The following CSPP1 variants were observed in gnomAD, a reference collection of about 807,000 sequenced individuals.
CSPP1 encodes the protein centrosome and spindle pole-associated protein 1.
In CSPP1, 126 loss-of-function variants were observed where a neutral mutation model predicts 164.4. The ratio of observed to expected loss-of-function variants is 0.77; its 90% CI spans 0.66 to 0.89. The LOEUF is 0.89. CSPP1 is among the 40% of genes least tolerant of loss of function. The probability of loss-of-function intolerance (pLI) is 0.00; values close to 1 mark genes in which losing one functional copy is unlikely to be tolerated. For missense variants in CSPP1, 1,395 were observed against 1,449.8 expected (o/e 0.96, Z 0.61); for synonymous variants, 472 against 476.7 (o/e 0.99, Z 0.13).
chr8:67,188,028 C>T (rs560906641), intron 28 of CSPP1, among the ~76,000 whole-genome samples: 207 of 152,144 alleles, frequency 1.4e-3, no homozygotes, highest in African/African-American at 4.8e-3. Flanking sequence ...ATTGATAAGC[C>T]GGACTTTGTA....
At chr8:67,167,456 C>T (rs1260868567) in intron 24 of CSPP1, among the ~76,000 whole-genome samples, 6 of 149,846 alleles carry the variant, frequency 4.0e-5, no homozygotes, top group Middle Eastern at 3.6e-3. Flanking sequence ...CCCCACCTCC[C>T]GGATGGGGCG....
At chr8:67,154,433 C>T (rs1045279009) in intron 19 of CSPP1, among the ~76,000 whole-genome samples, 6 of 152,046 alleles carry the variant, frequency 3.9e-5, no homozygotes, top group Admixed American at 2.0e-4. Flanking sequence ...GTGGTGAGAT[C>T]TTCGCTCACT....
chr8:67,153,608 T>C (rs1826117040), intron 18 of CSPP1, among the ~76,000 whole-genome samples: 1 of 152,084 alleles, frequency 6.6e-6, no homozygotes, highest in Non-Finnish European at 1.5e-5. Flanking sequence ...TTTTAGAAAA[T>C]TTTAAATATA....
At chr8:67,096,878 AAAAT>A (rs1219475187) in intron 7 of CSPP1, among the ~76,000 whole-genome samples, 3 of 152,196 alleles carry the variant, frequency 2.0e-5, no homozygotes, top group Admixed American at 2.0e-4. Flanking sequence ...AACAACAATA[AAAAT>A]AAATGAATAA....
chr8:67,118,425 GT>G, intron 14 of CSPP1, 56 bp downstream of exon 14: 1 of 1,576,266 alleles, frequency 6.3e-7, no homozygotes. Flanking sequence ...AAGGAAAATT[GT>G]TTTTTTGTGT....
intron 21 of CSPP1, among the ~76,000 whole-genome samples, chr8:67,159,953 C>CGTTT (rs1554605701): frequency 3.4e-5 from 1 of 29,120 alleles, no homozygotes; most frequent in Non-Finnish European, 6.5e-5. Context: ...TTCCTTCCTT[C>CGTTT]CTTCTTTCTT....
At chr8:67,195,298 T>A (rs756672957) in intron 30 of CSPP1, 84 bp from the exon 31 acceptor site, 2 of 838,088 alleles carry the variant, frequency 2.4e-6, no homozygotes, top group East Asian at 4.8e-5. Flanking sequence ...TGAGTTGTAA[T>A]GAGTTGGACT....
At chr8:67,173,273 G>A (rs1830831753) in intron 25 of CSPP1, among the ~76,000 whole-genome samples, 1 of 152,148 alleles carries the variant, frequency 6.6e-6, no homozygotes, top group South Asian at 2.1e-4. Context: ...TGAGGGAAGA[G>A]TTAGGAGAAG....
rs1251033167 is a variant in CSPP1, at chr8:67,118,267, C to T, written c.1516C>T (p.Pro506Ser). Residue 506 changes from proline to serine, a missense_variant, in exon 14 of 31, where the codon CCT becomes TCT. Pro to Ser is a moderately conservative substitution (Grantham distance 74). Coordinates refer to ENST00000678616, the MANE Select transcript of CSPP1 (RefSeq NM_001382391.1). ...ATACAGGATTGCACCTCTGCCTCCA[C>T]CTCCCCTACTACCACCTTTGGCTAC... ...VSPRIAPLPP[P>S]PLLPPLATNY... 1.2e-6 allele frequency: 2 copies of T among 1,613,480 alleles called. No homozygotes were observed. Among genetic ancestry groups the T allele is most frequent in the African/African-American group, 1.3e-5 (1 of 74,878 alleles).
In CSPP1 at chr8:67,192,455, A is replaced by G. The variant is rs1463734605; in HGVS notation, c.3331-1009A>G. 4.3e-4 allele frequency among the ~76,000 whole-genome samples: 65 copies of G among 152,126 alleles called. 1 individual carries two copies. The highest frequency in any genetic ancestry group is 4.2e-3 in the Admixed American group (64 of 15,278). ...CATTCTCACTACAAGTCTAGTTATC[A>G]ATGTGTGATTTTCAGATCTTTTTTC... is the stretch of plus-strand genomic sequence containing the variant. On this transcript the variant is annotated intron_variant, in intron 29 of 30. Coordinates refer to ENST00000678616, the MANE Select transcript of CSPP1 (RefSeq NM_001382391.1).
At chr8:67,110,162 T>A (rs1816549533) in intron 9 of CSPP1, among the ~76,000 whole-genome samples, 1 of 149,930 alleles carries the variant, frequency 6.7e-6, no homozygotes, top group African/African-American at 2.5e-5. Flanking sequence ...CCAGGTGCAG[T>A]CTGAGGTTTT....
intron 22 of CSPP1, 126 bp downstream of exon 22, chr8:67,162,041 A>T: frequency 1.6e-6 from 1 of 630,968 alleles, no homozygotes. Flanking sequence ...TATAGGTGAT[A>T]TCTACAGTAA....
chr8:67,121,252 C>T (rs1563612522), intron 15 of CSPP1, among the ~76,000 whole-genome samples: 2 of 152,140 alleles, frequency 1.3e-5, no homozygotes, highest in African/African-American at 2.4e-5. Context: ...CTGCCTTGTT[C>T]CTGATCTTAG....
intron 1 of CSPP1, 76 bp from the exon 2 acceptor site, chr8:67,074,166 TG>T (rs1807408637): frequency 1.4e-6 from 1 of 715,016 alleles, no homozygotes; most frequent in Non-Finnish European, 2.3e-6. Flanking sequence ...AAACTAAATG[TG>T]GACTAAGCCT....
At chr8:67,159,848 TTCTTTTTC>T (rs1370824311) in intron 21 of CSPP1, among the ~76,000 whole-genome samples, 691 of 116,860 alleles carry the variant, frequency 5.9e-3, no homozygotes, top group Non-Finnish European at 7.5e-3. Flanking sequence ...CTTTCTTTCT[TTCTTTTTC>T]TTTCTTTCTT....
chr8:67,159,085 TGCAACTTCA>T lies in CSPP1; in HGVS notation c.2490_2498del (p.Gln830_Gln832del). 1.2e-6 allele frequency: 2 copies of T among 1,612,602 alleles called. No individual in the cohort carries two copies. Among genetic ancestry groups the T allele is most frequent in the Non-Finnish European group, 1.7e-6 (2 of 1,179,570 alleles). On this transcript the variant is annotated inframe_deletion, in exon 21 of 31. Coordinates refer to ENST00000678616, the MANE Select transcript of CSPP1 (RefSeq NM_001382391.1). ...AAAGAAGAAGAAGAAAAATATAACC[TGCAACTTCA>T]GCACTACTGTGAAAGAGACAATTTG...
chr8:67,114,043 T>C, intron 11 of CSPP1, 181 bp downstream of exon 11: 1 of 457,062 alleles, frequency 2.2e-6, no homozygotes, highest in Non-Finnish European at 4.0e-6. Flanking sequence ...TTCCTTGAGG[T>C]AATTTTTCCT....
intron 1 of CSPP1, among the ~76,000 whole-genome samples, chr8:67,069,512 C>T (rs916077965): frequency 6.6e-5 from 10 of 151,378 alleles, no homozygotes; most frequent in Non-Finnish European, 1.3e-4. Flanking sequence ...GGAGATCTTT[C>T]AAAGCCTGGT....
At chr8:67,181,171 G>A (rs1832928400) in intron 28 of CSPP1, among the ~76,000 whole-genome samples, 1 of 151,706 alleles carries the variant, frequency 6.6e-6, no homozygotes, top group African/African-American at 2.4e-5. Context: ...CCCAGTAGCT[G>A]GGACTACAGC....
Sources: allele counts gnomAD v4.1 joint callset (sites outside exome capture counted in the v4.1 genomes callset), GRCh38; gene constraint gnomAD v4.1.1; transcripts MANE v1.5; gene names NCBI Gene and HGNC (gene_info 2026-07-23, HGNC 2026-07-21).